Variants in SASH1 observed in about 807,000 individuals in gnomAD.
The protein encoded by SASH1 is SAM and SH3 domain-containing protein 1.
Under a neutral mutation model 125.2 loss-of-function variants are expected in SASH1, and 44 were observed. The observed-to-expected ratio is 0.35, with a 90% CI of 0.28 to 0.45. SASH1 has a LOEUF of 0.45. Among genes scored for constraint, SASH1 ranks in the 20% least tolerant of loss-of-function variants. The pLI, the probability that SASH1 is intolerant of heterozygous loss-of-function variation, is 1.00. For synonymous variants in SASH1, 639 were observed against 649.1 expected (o/e 0.98, Z 0.24); for missense variants, 1,426 against 1,614.5 (o/e 0.88, Z 2.00).
chr6:148,338,055 T>TCTTCAGTCTATACCCATCTTCA (rs554823233), upstream of SASH1, among the ~76,000 whole-genome samples: 21 of 151,868 alleles, frequency 1.4e-4, no homozygotes, highest in Admixed American at 3.9e-4. Flanking sequence ...TTCAATGGAA[T>TCTTCAGTCTATACCCATCTTCA]ATCTACACTT....
At chr6:148,345,970 A>G (rs545927091) in intron 1 of SASH1, among the ~76,000 whole-genome samples, 7 of 152,324 alleles carry the variant, frequency 4.6e-5, no homozygotes, top group Admixed American at 1.3e-4. Context: ...TCCGTACTGA[A>G]CTTGAAGAGG....
chr6:148,539,255 G>T (rs1467064398), intron 16 of SASH1, among the ~76,000 whole-genome samples: 1 of 151,862 alleles, frequency 6.6e-6, no homozygotes, highest in African/African-American at 2.4e-5. Flanking sequence ...TGGGTTACAT[G>T]GATGAATTAT....
chr6:148,480,237 G>A (rs953882174), intron 7 of SASH1: 2 of 152,118 alleles, frequency 1.3e-5, no homozygotes, highest in African/African-American at 4.9e-5. Context: ...AGCTGAGGCA[G>A]GAGAATCGCG....
chr6:148,243,651 CAAAAAAAAAAAAAA>C, the SASH1 span, among the ~76,000 whole-genome samples: 6 of 70,284 alleles, frequency 8.5e-5, no homozygotes, highest in East Asian at 4.9e-4. Context: ...AACTGTGTCT[CAAAAAAAAAAAAAA>C]AAAAAAAAAA....
intron 1 of SASH1, among the ~76,000 whole-genome samples, chr6:148,276,786 A>T (rs143282841): frequency 8.3e-4 from 127 of 152,266 alleles, no homozygotes; most frequent in African/African-American, 2.9e-3. Context: ...CAAGTACTTC[A>T]CATAAATAAT....
At chr6:148,246,716 C>T in the SASH1 span, among the ~76,000 whole-genome samples, 1 of 152,194 alleles carries the variant, frequency 6.6e-6, no homozygotes, top group Admixed American at 6.5e-5. Context: ...AAACAAACAG[C>T]TGAAAGATCT....
intron 1 of SASH1, among the ~76,000 whole-genome samples, chr6:148,388,050 G>A (rs1308919731): frequency 1.3e-5 from 2 of 151,562 alleles, no homozygotes; most frequent in African/African-American, 4.8e-5. Context: ...TGAGTAGCTG[G>A]GATTACAGGC....
intron 16 of SASH1, 28 bp downstream of exon 16, chr6:148,534,929 C>G (rs1781751613): frequency 1.9e-6 from 3 of 1,612,782 alleles, no homozygotes. Context: ...CAGAGGTGTT[C>G]CCTGTGAGGT....
chr6:148,487,817 C>T (rs1178349623), intron 8 of SASH1, 102 bp downstream of exon 8: 1 of 756,386 alleles, frequency 1.3e-6, no homozygotes. Context: ...CCGACTCGCA[C>T]CTGGGTCTGC....
chr6:148,289,861 G>GTTTT (rs144013796), intron 1 of SASH1, among the ~76,000 whole-genome samples: 62 of 85,886 alleles, frequency 7.2e-4, no homozygotes, highest in South Asian at 9.3e-4. Flanking sequence ...TTTTGGTTGT[G>GTTTT]TTTTTTTTTT....
At position 148,468,605 on chromosome 6, in the gene SASH1, G is replaced by T. The variant is rs200831645; in HGVS notation, c.427+20G>T. On this transcript the variant is annotated intron_variant, in intron 5 of 19. Coordinates refer to ENST00000367467, the MANE Select transcript of SASH1 (RefSeq NM_015278.5). Reference sequence around the variant, plus strand: ...CTGTAGGTCAGTACCACTTTTCTTGGTTTACCTATTTAATTATTTCAATAC... The same window carrying T: ...CTGTAGGTCAGTACCACTTTTCTTGTTTTACCTATTTAATTATTTCAATAC... 8.5e-6 allele frequency: 13 copies of T among 1,531,416 alleles called. No individual in the cohort carries two copies. The East Asian group carries it at 3.0e-4, about 35-fold the overall frequency. 94.9% of individuals were successfully genotyped at this position (1,531,416 alleles called of 1,614,324 possible).
chr6:148,487,700 C>T lies in SASH1; in HGVS notation c.714C>T (p.Gly238=). 1.2e-6 allele frequency: 2 copies of T among 1,609,434 alleles called. No homozygotes were observed. The highest frequency in any genetic ancestry group is 2.2e-5 in the South Asian group (2 of 90,936). ...ATGGTTCTTACCCAACGTTTGATGG[C>T]TCATCAAACTGCAATGTGAGTTTAT... ...WPDGSYPTFD[G]SSNCNSREQS... is the part of the protein sequence containing the mutation. The change falls in exon 8 of 20, where the codon GGC becomes GGT. Residue 238 remains glycine, a synonymous_variant. Coordinates refer to ENST00000367467, the MANE Select transcript of SASH1 (RefSeq NM_015278.5).
At chr6:148,462,785 A>T (rs1404486729) in intron 4 of SASH1, among the ~76,000 whole-genome samples, 1 of 152,182 alleles carries the variant, frequency 6.6e-6, no homozygotes. Context: ...GAATGTATAC[A>T]ATTTGGAATT....
chr6:148,501,339 G>A (rs906055052), intron 8 of SASH1, among the ~76,000 whole-genome samples: 13 of 152,250 alleles, frequency 8.5e-5, no homozygotes, highest in South Asian at 4.2e-4. Context: ...GGAGACTTAC[G>A]GCTTCTGGGA....
intron 5 of SASH1, among the ~76,000 whole-genome samples, chr6:148,470,813 G>C (rs1394153126): frequency 6.6e-6 from 1 of 152,054 alleles, no homozygotes; most frequent in Non-Finnish European, 1.5e-5. Flanking sequence ...ATGCCAGGGA[G>C]TGCCATAAGC....
At chr6:148,242,102 T>C in the SASH1 span, among the ~76,000 whole-genome samples, 22 of 152,344 alleles carry the variant, frequency 1.4e-4, no homozygotes, top group African/African-American at 5.3e-4. Context: ...CATCGTAAGA[T>C]AATGTAGGAC....
intron 1 of SASH1, among the ~76,000 whole-genome samples, chr6:148,324,122 A>AAAAAAAAAAAAC (rs1562324892): frequency 6.7e-6 from 1 of 148,640 alleles, no homozygotes; most frequent in Non-Finnish European, 1.5e-5. Context: ...CTGTCTCAAA[A>AAAAAAAAAAAAC]AAAAAAAAAA....
At chr6:148,216,444 A>T in the SASH1 span, among the ~76,000 whole-genome samples, 1 of 152,170 alleles carries the variant, frequency 6.6e-6, no homozygotes, top group Non-Finnish European at 1.5e-5. Context: ...AGGGGGAAAA[A>T]CATGAAGCAT....
intron 10 of SASH1, among the ~76,000 whole-genome samples, chr6:148,522,548 A>T (rs748700279): frequency 2.0e-5 from 3 of 152,200 alleles, no homozygotes; most frequent in South Asian, 2.1e-4. Flanking sequence ...GGAAGTGGTC[A>T]CTTGTCTCGT....
Sources: allele counts gnomAD v4.1 joint callset (sites outside exome capture counted in the v4.1 genomes callset), GRCh38; gene constraint gnomAD v4.1.1; transcripts MANE v1.5; gene names NCBI Gene and HGNC (gene_info 2026-07-23, HGNC 2026-07-21).